The following SNRPN variants were observed in gnomAD, a reference collection of about 807,000 sequenced individuals.
SNRPN encodes the protein small nuclear ribonucleoprotein-associated protein N.
Under a neutral mutation model 25.2 loss-of-function variants are expected in SNRPN, and 7 were observed. The ratio of observed to expected loss-of-function variants is 0.28; its 90% CI spans 0.16 to 0.52. SNRPN has a LOEUF of 0.52. Among genes scored for constraint, SNRPN ranks in the 20% least tolerant of loss-of-function variants. The pLI, the probability that SNRPN is intolerant of heterozygous loss-of-function variation, is 0.96. For synonymous variants in SNRPN, 124 were observed against 110.6 expected (o/e 1.12, Z -0.76); for missense variants, 196 against 322.5 (o/e 0.61, Z 3.00).
chr15:24,887,420 T>C (rs1163033814), intron 2 of SNRPN, among the ~76,000 whole-genome samples: 1 of 149,558 alleles, frequency 6.7e-6, no homozygotes, highest in Non-Finnish European at 1.5e-5. Context: ...AGTGCTGGGA[T>C]TACCAGCATG....
At chr15:24,834,006 A>T (rs4028393) in intron 2 of SNRPN, among the ~76,000 whole-genome samples, 86,118 of 151,776 alleles carry the variant, frequency 0.57, 24,775 homozygotes, top group East Asian at 0.82. Flanking sequence ...GCTCACTGCA[A>T]CCTCCACCTA....
At chr15:24,951,436 T>C (rs2062262902), upstream of SNRPN, among the ~76,000 whole-genome samples, 1 of 152,178 alleles carries the variant, frequency 6.6e-6, no homozygotes, top group East Asian at 1.9e-4. Context: ...TTATTGGCCA[T>C]TGGTATTTAA....
intron 3 of SNRPN, among the ~76,000 whole-genome samples, chr15:24,944,855 T>C (rs1055309960): frequency 6.6e-6 from 1 of 152,224 alleles, no homozygotes; most frequent in African/African-American, 2.4e-5. Context: ...GAAGAGTTGA[T>C]GTTGTAGCTC....
At chr15:24,824,804 C>G (rs79713728) in intron 1 of SNRPN, among the ~76,000 whole-genome samples, 1 of 151,666 alleles carries the variant, frequency 6.6e-6, no homozygotes, top group African/African-American at 2.4e-5. Context: ...ATTCCTCACC[C>G]TAGGTTAAAC....
At chr15:24,939,692 C>T (rs1228038222) in intron 3 of SNRPN, among the ~76,000 whole-genome samples, 2 of 151,542 alleles carry the variant, frequency 1.3e-5, no homozygotes, top group African/African-American at 4.9e-5. Flanking sequence ...CTCGGCCTCC[C>T]AAAGTACTGG....
intron 3 of SNRPN, among the ~76,000 whole-genome samples, chr15:24,970,208 T>G (rs2076225399): frequency 6.6e-6 from 1 of 152,176 alleles, no homozygotes; most frequent in Non-Finnish European, 1.5e-5. Context: ...TGGGTAGTCT[T>G]TAACAACATT....
chr15:24,856,635 A>G (rs1217845633), exon 1 of SNRPN: 1 of 152,236 alleles, frequency 6.6e-6, no homozygotes, highest in East Asian at 1.9e-4. Context: ...TGAGGAATGC[A>G]GTTCTTTTGC....
chr15:24,911,266 G>A (rs1346066185), intron 2 of SNRPN: 2 of 423,284 alleles, frequency 4.7e-6, no homozygotes, highest in Non-Finnish European at 8.2e-6. Flanking sequence ...AAAACCAACT[G>A]TGTGGCCAAC....
intron 2 of SNRPN, chr15:24,851,356 C>T (rs1343975150): frequency 6.6e-6 from 1 of 152,206 alleles, no homozygotes; most frequent in African/African-American, 2.4e-5. Context: ...AGAGCACAGG[C>T]ATCAGACCTG....
chr15:24,895,231 G>A (rs2150986519), intron 2 of SNRPN, among the ~76,000 whole-genome samples: 1 of 152,254 alleles, frequency 6.6e-6, no homozygotes, highest in South Asian at 2.1e-4. Flanking sequence ...AAGTCAAAAA[G>A]CCCTTCCCAG....
At chr15:24,968,150 T>A in intron 3 of SNRPN, 68 bp downstream of exon 3, 1 of 895,668 alleles carries the variant, frequency 1.1e-6, no homozygotes, top group Non-Finnish European at 1.8e-6. Flanking sequence ...GGGGTTCTCT[T>A]AATTATCAGT....
chr15:24,960,361 G>A (rs1294840116), intron 1 of SNRPN, among the ~76,000 whole-genome samples: 2 of 151,874 alleles, frequency 1.3e-5, no homozygotes, highest in Non-Finnish European at 2.9e-5. Context: ...TCATTTTGAG[G>A]CAGGGTCTGG....
chr15:24,873,273 A>C lies in SNRPN; in HGVS notation c.-578-13243A>C, dbSNP rs188712155. Among the ~76,000 whole-genome samples, 319 of 120,372 alleles carry C rather than the reference A, an allele frequency of 2.7e-3. 84 individuals are homozygous for C. Among genetic ancestry groups the C allele is most frequent in the Non-Finnish European group, 4.7e-3 (261 of 55,360 alleles). 79.0% of individuals were successfully genotyped at this position (120,372 alleles called of 152,430 possible). ...ACCTAGTCTACAAAGCCATGGGACT[A>C]CATACCACAGTCCCAGGGACAACCA... On this transcript the variant is annotated intron_variant, in intron 1 of 11. Coordinates refer to the SNRPN transcript ENST00000400097.
chr15:24,889,579 A>AC (rs2057483476), intron 2 of SNRPN, among the ~76,000 whole-genome samples: 1 of 151,452 alleles, frequency 6.6e-6, no homozygotes, highest in African/African-American at 2.4e-5. Context: ...TGCTGGGATT[A>AC]CAGGCATGAG....
intron 1 of SNRPN, among the ~76,000 whole-genome samples, chr15:24,875,543 C>T (rs1595614481): frequency 6.6e-6 from 1 of 152,068 alleles, no homozygotes; most frequent in Admixed American, 6.5e-5. Flanking sequence ...TTCCCTCCCC[C>T]ACCGCAACAG....
At chr15:24,890,942 G>A (rs761616710) in intron 2 of SNRPN, among the ~76,000 whole-genome samples, 1 of 151,734 alleles carries the variant, frequency 6.6e-6, no homozygotes, top group African/African-American at 2.4e-5. Context: ...ATAGAGTCTC[G>A]TTCTATCGCC....
intron 2 of SNRPN, among the ~76,000 whole-genome samples, chr15:24,837,594 C>T (rs934215021): frequency 6.6e-6 from 1 of 151,968 alleles, no homozygotes; most frequent in Non-Finnish European, 1.5e-5. Context: ...TGGTCTCGAT[C>T]TCCTGACTTC....
At position 24,939,206 on chromosome 15, in the gene SNRPN, G is replaced by A. The variant is rs561569060; in HGVS notation, c.-391+19082G>A. ...TTCCATTCCTACCAACATTATACAA[G>A]GTTTTCAATTCCTCTGGTCTTCACC... is the stretch of plus-strand genomic sequence containing the variant. On this transcript the variant is annotated intron_variant, in intron 3 of 11. Coordinates refer to the SNRPN transcript ENST00000400097. Among the ~76,000 whole-genome samples, 8 of 152,126 alleles carry A rather than the reference G, an allele frequency of 5.3e-5. No individual in the cohort carries two copies. In the South Asian group the frequency reaches 1.7e-3, roughly 32 times the overall value.
intron 1 of SNRPN, among the ~76,000 whole-genome samples, chr15:24,879,682 C>T (rs1397235345): frequency 6.6e-6 from 1 of 152,150 alleles, no homozygotes; most frequent in Non-Finnish European, 1.5e-5. Flanking sequence ...TGCATATGGC[C>T]TGAGGGTCAA....
Sources: gnomAD v4.1 joint callset for allele counts (sites outside exome capture counted in the v4.1 genomes callset) on GRCh38, gnomAD v4.1.1 for gene constraint, MANE v1.5 for transcripts, NCBI Gene and HGNC (gene_info 2026-07-23, HGNC 2026-07-21) for gene names.